The following CAMK1D variants were observed in gnomAD, a reference collection of about 807,000 sequenced individuals.
The protein encoded by CAMK1D is calcium/calmodulin dependent protein kinase ID, also known as calcium/calmodulin-dependent protein kinase type 1D.
Under a neutral mutation model 47.7 loss-of-function variants are expected in CAMK1D, and 9 were observed. The ratio of observed to expected loss-of-function variants is 0.19; its 90% CI spans 0.11 to 0.33. CAMK1D has a LOEUF of 0.33. Among genes scored for constraint, CAMK1D ranks in the 10% least tolerant of loss-of-function variants. The pLI is 1.00. For synonymous variants in CAMK1D, 184 were observed against 184.9 expected (o/e 0.99, Z 0.04); for missense variants, 291 against 488.7 (o/e 0.60, Z 3.81).
intron 1 of CAMK1D, among the ~76,000 whole-genome samples, chr10:12,545,929 T>C (rs1836354701): frequency 6.6e-6 from 1 of 152,118 alleles, no homozygotes; most frequent in Non-Finnish European, 1.5e-5. Flanking sequence ...CTGTGTGTTT[T>C]GGAAACTAGC....
intron 2 of CAMK1D, among the ~76,000 whole-genome samples, chr10:12,605,405 A>G (rs186841840): frequency 6.6e-6 from 1 of 151,014 alleles, no homozygotes; most frequent in Admixed American, 6.6e-5. Flanking sequence ...ACATATATAC[A>G]CCCCTTGGCC....
chr10:12,746,350 C>T (rs1333272357), intron 3 of CAMK1D, among the ~76,000 whole-genome samples: 1 of 85,870 alleles, frequency 1.2e-5, no homozygotes, highest in Non-Finnish European at 2.3e-5. Flanking sequence ...GGCGACAGAG[C>T]AAGACTCCGT....
intron 1 of CAMK1D, among the ~76,000 whole-genome samples, chr10:12,520,284 T>C (rs1459857212): frequency 1.2e-5 from 1 of 83,454 alleles, no homozygotes; most frequent in African/African-American, 4.7e-5. Flanking sequence ...GCTCCTCACA[T>C]CCTAGACAGG....
chr10:12,635,058 G>A (rs1839475963), intron 2 of CAMK1D, among the ~76,000 whole-genome samples: 1 of 152,198 alleles, frequency 6.6e-6, no homozygotes, highest in African/African-American at 2.4e-5. Context: ...ATGTTGGAGA[G>A]TGGAGGGGCA....
chr10:12,678,838 C>T (rs554623204), intron 3 of CAMK1D, among the ~76,000 whole-genome samples: 4 of 152,138 alleles, frequency 2.6e-5, no homozygotes, highest in African/African-American at 9.6e-5. Flanking sequence ...TCTTGGCTTG[C>T]TGCAACCTCC....
chr10:12,819,763 G>A (rs1832949465), intron 8 of CAMK1D, among the ~76,000 whole-genome samples: 2 of 152,150 alleles, frequency 1.3e-5, no homozygotes, highest in South Asian at 4.1e-4. Context: ...TGGAGTGTGG[G>A]AGCGTGGCCA....
At chr10:12,628,672 T>C (rs188358760) in intron 2 of CAMK1D, among the ~76,000 whole-genome samples, 7 of 152,344 alleles carry the variant, frequency 4.6e-5, no homozygotes, top group Admixed American at 4.6e-4. Context: ...GTCCACTCTT[T>C]ATGTTATACA....
Position 12,832,029 on chromosome 10 carries a change from A to AC in CAMK1D, c.*3146dup, listed in dbSNP as rs1241617778. The AC allele has an allele frequency of 6.6e-6, 1 of 152,074 alleles. No individual in the cohort carries two copies. Among genetic ancestry groups the AC allele is most frequent in the African/African-American group, 2.4e-5 (1 of 41,388 alleles). 9.4% of individuals were successfully genotyped at this position (152,074 alleles called of 1,614,324 possible). On this transcript the variant is annotated 3_prime_UTR_variant, in exon 11 of 11. Transcript: ENST00000619168. ...GCTGAGGCTAAGGGTGGACGCGTAG[A>AC]CCCCATCACAGGCTTCCTTCCTGAG...
At chr10:12,530,368 G>A (rs2132218887) in intron 1 of CAMK1D, among the ~76,000 whole-genome samples, 1 of 152,294 alleles carries the variant, frequency 6.6e-6, no homozygotes, top group South Asian at 2.1e-4. Flanking sequence ...CTGGGTCTTA[G>A]GCAAGCCATT....
chr10:12,730,866 C>T (rs75778007), intron 3 of CAMK1D, among the ~76,000 whole-genome samples: 2,418 of 152,232 alleles, frequency 0.016, 59 homozygotes, highest in African/African-American at 0.055. Flanking sequence ...CTGACAAAAA[C>T]GCTGTTTGTG....
At chr10:12,816,155 T>C in intron 7 of CAMK1D, 95 bp from the exon 8 acceptor site, 1 of 913,856 alleles carries the variant, frequency 1.1e-6, no homozygotes, top group Non-Finnish European at 1.7e-6. Context: ...ATATTTTTCA[T>C]GCTACACACG....
intron 1 of CAMK1D, among the ~76,000 whole-genome samples, chr10:12,465,711 G>A (rs193227297): frequency 1.1e-3 from 171 of 152,246 alleles, no homozygotes; most frequent in Non-Finnish European, 1.9e-3. Context: ...CAACCACCTC[G>A]TATTTTATCC....
At chr10:12,498,060 C>T (rs1344286356) in intron 1 of CAMK1D, among the ~76,000 whole-genome samples, 1 of 152,170 alleles carries the variant, frequency 6.6e-6, no homozygotes. Flanking sequence ...ATCATGAGAA[C>T]AGCATGGGAA....
In CAMK1D at chr10:12,734,367, T is replaced by A. The variant is rs78056244; in HGVS notation, c.300-26581T>A. On this transcript the variant is annotated intron_variant, in intron 3 of 10. Transcript: ENST00000619168. ...AAAAATATATATATATATATATATA[T>A]ATATATATATAGATATAGATATAGA... Among the ~76,000 whole-genome samples, 48 of 7,010 alleles carry A rather than the reference T, an allele frequency of 6.8e-3. 5 individuals are homozygous for A. The highest frequency in any genetic ancestry group is 0.014 in the African/African-American group (42 of 2,954). 4.6% of individuals were successfully genotyped at this position (7,010 alleles called of 152,430 possible). A position where few individuals can be genotyped will look rare whatever the true frequency, so the allele number is the denominator to read the frequency against.
intron 1 of CAMK1D, among the ~76,000 whole-genome samples, chr10:12,448,814 C>T (rs764350363): frequency 7.2e-5 from 11 of 152,104 alleles, no homozygotes; most frequent in Non-Finnish European, 1.0e-4. Flanking sequence ...TGTGACTATC[C>T]GGAAATGGAG....
At chr10:12,778,441 G>A (rs1837360440) in intron 5 of CAMK1D, among the ~76,000 whole-genome samples, 1 of 152,200 alleles carries the variant, frequency 6.6e-6, no homozygotes, top group Admixed American at 6.5e-5. Flanking sequence ...GCAGGAGTTG[G>A]TGGGCATCCC....
intron 1 of CAMK1D, among the ~76,000 whole-genome samples, chr10:12,412,789 G>A (rs1160846135): frequency 1.3e-5 from 2 of 151,930 alleles, no homozygotes; most frequent in African/African-American, 4.8e-5. Flanking sequence ...CCGTGGTGAA[G>A]TGGGGTGTTT....
At chr10:12,807,475 G>A (rs1838784429) in intron 6 of CAMK1D, among the ~76,000 whole-genome samples, 1 of 152,124 alleles carries the variant, frequency 6.6e-6, no homozygotes, top group African/African-American at 2.4e-5. Flanking sequence ...GTAGTTATCA[G>A]AGCTAATTAC....
intron 1 of CAMK1D, among the ~76,000 whole-genome samples, chr10:12,515,418 C>CA (rs1835171287): frequency 1.0e-5 from 1 of 99,000 alleles, no homozygotes; most frequent in South Asian, 3.4e-4. Context: ...TTTTTTTTTT[C>CA]TTTTTTTTTT....
Sources: allele counts gnomAD v4.1 joint callset (sites outside exome capture counted in the v4.1 genomes callset), GRCh38; gene constraint gnomAD v4.1.1; transcripts MANE v1.5; gene names NCBI Gene and HGNC (gene_info 2026-07-23, HGNC 2026-07-21).